Variants in DLGAP1 observed in about 807,000 individuals in gnomAD.
DLGAP1 encodes the protein DLG associated protein 1.
A neutral mutation model predicts 90.8 loss-of-function variants in DLGAP1; 11 were observed. The ratio of observed to expected loss-of-function variants is 0.12; its 90% CI spans 0.08 to 0.20. The LOEUF (loss-of-function observed/expected upper bound fraction) is 0.20. DLGAP1 is among the 10% of genes least tolerant of loss of function. DLGAP1 has a pLI of 1.00. For synonymous variants in DLGAP1, 558 were observed against 540.7 expected (o/e 1.03, Z -0.44); for missense variants, 1,050 against 1,333.8 (o/e 0.79, Z 3.31).
At chr18:3,606,192 T>C (rs2057318487) in intron 7 of DLGAP1, among the ~76,000 whole-genome samples, 1 of 152,184 alleles carries the variant, frequency 6.6e-6, no homozygotes, top group Non-Finnish European at 1.5e-5. Context: ...GAACAAGCTC[T>C]AATGTCTGTC....
At chr18:4,435,936 G>A (rs1316948064) in intron 1 of DLGAP1, among the ~76,000 whole-genome samples, 1 of 152,184 alleles carries the variant, frequency 6.6e-6, no homozygotes. Flanking sequence ...CTAAGCAGAT[G>A]CGCACACAGG....
intron 5 of DLGAP1, among the ~76,000 whole-genome samples, chr18:3,793,907 C>T (rs1195088091): frequency 6.6e-6 from 1 of 152,176 alleles, no homozygotes; most frequent in Non-Finnish European, 1.5e-5. Context: ...CTTCCTTGCT[C>T]TTTATGTCAC....
intron 9 of DLGAP1, among the ~76,000 whole-genome samples, chr18:3,546,098 A>G (rs905846629): frequency 6.6e-6 from 1 of 152,172 alleles, no homozygotes; most frequent in African/African-American, 2.4e-5. Flanking sequence ...TTCAGCAGCT[A>G]TACTGACCTT....
At chr18:3,926,415 TATATATACACACAC>T (rs758758594) in intron 3 of DLGAP1, among the ~76,000 whole-genome samples, 6 of 122,718 alleles carry the variant, frequency 4.9e-5, no homozygotes, top group Non-Finnish European at 9.1e-5. Context: ...TATATATATA[TATATATACACACAC>T]ACACACACAC....
intron 1 of DLGAP1, among the ~76,000 whole-genome samples, chr18:4,280,214 G>T (rs1161937639): frequency 6.6e-6 from 1 of 152,048 alleles, no homozygotes; most frequent in Non-Finnish European, 1.5e-5. Flanking sequence ...CCTTTAAAGG[G>T]CCAATTAATC....
intron 9 of DLGAP1, among the ~76,000 whole-genome samples, chr18:3,552,572 T>C (rs11081055): frequency 0.12 from 18,531 of 152,152 alleles, 1,940 homozygotes; most frequent in African/African-American, 0.29. Context: ...TGAGCGAGCC[T>C]AAGAAGGCTC....
At chr18:4,122,619 C>T (rs1469348270) in intron 2 of DLGAP1, among the ~76,000 whole-genome samples, 1 of 152,178 alleles carries the variant, frequency 6.6e-6, no homozygotes, top group Non-Finnish European at 1.5e-5. Context: ...AGCTAAAAGG[C>T]AAGCCTGCCA....
At chr18:3,744,905 G>C (rs2063204831) in intron 5 of DLGAP1, among the ~76,000 whole-genome samples, 1 of 152,164 alleles carries the variant, frequency 6.6e-6, no homozygotes, top group African/African-American at 2.4e-5. Flanking sequence ...ATAAGATTCA[G>C]AGCAGCATTA....
rs963150287 is a variant in DLGAP1 at position 3,885,578 on chromosome 18, A to T, written c.-72-5438T>A. 4 of 152,380 alleles carry T rather than the reference A, an allele frequency of 2.6e-5. No individual in the cohort carries two copies. In the East Asian group the frequency reaches 5.8e-4, roughly 22 times the overall value. The allele number at this position is 152,380 out of a possible 1,614,324, so 9.4% of individuals were successfully genotyped here. A position where few individuals can be genotyped will look rare whatever the true frequency, so the allele number is the denominator to read the frequency against. The stretch of plus-strand genomic sequence containing the variant: ...TAACAATTGCTGGAAATAGAGAGGG[A>T]AATTGCCTTTCAGGCCTTGTTCTTT... On this transcript the variant is annotated intron_variant, in intron 3 of 12. Coordinates refer to ENST00000315677, the MANE Select transcript of DLGAP1 (RefSeq NM_004746.4).
intron 1 of DLGAP1, among the ~76,000 whole-genome samples, chr18:4,161,434 C>T (rs544432454): frequency 6.6e-6 from 1 of 152,272 alleles, no homozygotes; most frequent in Admixed American, 6.5e-5. Flanking sequence ...CATTTCTTTT[C>T]ATGGCTGCAT....
chr18:3,651,250 T>G (rs1260290212), intron 7 of DLGAP1, among the ~76,000 whole-genome samples: 1 of 151,864 alleles, frequency 6.6e-6, no homozygotes, highest in East Asian at 1.9e-4. Flanking sequence ...TCCCGGCTAC[T>G]TGGGAGGCTG....
At chr18:3,812,218 T>C (rs1469610932) in intron 5 of DLGAP1, among the ~76,000 whole-genome samples, 1 of 151,650 alleles carries the variant, frequency 6.6e-6, no homozygotes, top group African/African-American at 2.4e-5. Flanking sequence ...CATAGAAGAA[T>C]TTTTTTTTCA....
intron 7 of DLGAP1, among the ~76,000 whole-genome samples, chr18:3,666,065 C>T (rs2059870256): frequency 6.6e-6 from 1 of 152,042 alleles, no homozygotes. Flanking sequence ...TGAATGGGCA[C>T]CGGGGGAAGA....
intron 1 of DLGAP1, among the ~76,000 whole-genome samples, chr18:4,399,746 T>G (rs930033229): frequency 3.3e-5 from 5 of 152,190 alleles, no homozygotes; most frequent in Non-Finnish European, 5.9e-5. Context: ...GCAAGAGGCA[T>G]AGAGAGAGAC....
intron 2 of DLGAP1, among the ~76,000 whole-genome samples, chr18:4,095,055 CAAGATTCAGAATCTTGCT>C (rs1300886237): frequency 1.3e-5 from 2 of 152,128 alleles, no homozygotes; most frequent in African/African-American, 4.8e-5. Flanking sequence ...ATATAAAAAG[CAAGATTCAGAATCTTGCT>C]TGGATGACCA....
At chr18:3,901,916 G>A (rs370043754) in intron 3 of DLGAP1, among the ~76,000 whole-genome samples, 2 of 152,112 alleles carry the variant, frequency 1.3e-5, no homozygotes, top group Non-Finnish European at 2.9e-5. Flanking sequence ...TAAGGTGTCC[G>A]TGGTACTCTG....
At chr18:4,375,957 T>G (rs188881443) in intron 1 of DLGAP1, among the ~76,000 whole-genome samples, 1 of 152,204 alleles carries the variant, frequency 6.6e-6, no homozygotes, top group Non-Finnish European at 1.5e-5. Context: ...CTGTGATATA[T>G]AGACATTTGG....
chr18:3,733,318 T>C (rs1022986649), intron 6 of DLGAP1, among the ~76,000 whole-genome samples: 1 of 152,194 alleles, frequency 6.6e-6, no homozygotes, highest in Non-Finnish European at 1.5e-5. Context: ...TGACTTATGA[T>C]TTTTCTGCTT....
chr18:3,888,890 T>C (rs2071389236), intron 3 of DLGAP1, among the ~76,000 whole-genome samples: 1 of 152,216 alleles, frequency 6.6e-6, no homozygotes, highest in Admixed American at 6.5e-5. Flanking sequence ...ATATGCTTCC[T>C]ATGGAATTGT....
Sources: gnomAD v4.1 joint callset for allele counts (sites outside exome capture counted in the v4.1 genomes callset) on GRCh38, gnomAD v4.1.1 for gene constraint, MANE v1.5 for transcripts, NCBI Gene and HGNC (gene_info 2026-07-23, HGNC 2026-07-21) for gene names.